The following SEPTIN6 variants were observed in gnomAD, a reference collection of about 807,000 sequenced individuals.
The protein encoded by SEPTIN6 is septin-6.
SEPTIN6 carries 8 observed loss-of-function variants against 33.6 expected under a neutral mutation model. The ratio of observed to expected loss-of-function variants is 0.24; its 90% CI spans 0.14 to 0.43. The LOEUF (loss-of-function observed/expected upper bound fraction) is 0.43, where lower values mean the gene tolerates loss of function less well. Ranked by LOEUF, SEPTIN6 falls within the 20% of genes least tolerant of loss-of-function variation. The pLI is 1.00. For synonymous variants in SEPTIN6, 131 were observed against 140.0 expected, an observed-to-expected ratio of 0.94 and a Z score of 0.45; for missense variants, 250 against 340.8, an observed-to-expected ratio of 0.73 and a Z score of 2.10.
At chrX:119,676,771 A>T (rs559685921) in intron 1 of SEPTIN6, among the ~76,000 whole-genome samples, 126 of 109,916 alleles carry the variant, frequency 1.1e-3, no homozygotes, top group African/African-American at 4.0e-3. Context: ...ATCCTGTCTT[A>T]AAAAAAAAGC....
intron 1 of SEPTIN6, 87 bp from the exon 2 acceptor site, chrX:119,675,755 AG>A (rs1259772738): frequency 1.8e-5 from 9 of 504,104 alleles, no homozygotes; most frequent in Non-Finnish European, 2.7e-5. Flanking sequence ...TCGCTGTGCA[AG>A]GAAGTCACAC....
intron 1 of SEPTIN6, among the ~76,000 whole-genome samples, chrX:119,692,565 G>C (rs2055193770): frequency 8.9e-6 from 1 of 111,792 alleles, no homozygotes; most frequent in African/African-American, 3.2e-5. Context: ...TGCATATAGA[G>C]AAACCCTATC....
intron 3 of SEPTIN6, among the ~76,000 whole-genome samples, chrX:119,661,925 A>T (rs886175016): frequency 3.6e-5 from 4 of 111,889 alleles, no homozygotes; most frequent in African/African-American, 1.3e-4. Context: ...TTTAGTAGAG[A>T]CGGGGTTTCA....
chrX:119,620,137 G>A, intron 10 of SEPTIN6, 86 bp from the exon 11 acceptor site: 1 of 739,837 alleles, frequency 1.4e-6, no homozygotes, highest in South Asian at 2.4e-5. Context: ...ATTAAGTAAT[G>A]AGGACTAATG....
chrX:119,679,122 A>G (rs2147636978), intron 1 of SEPTIN6, among the ~76,000 whole-genome samples: 1 of 110,316 alleles, frequency 9.1e-6, no homozygotes, highest in South Asian at 3.9e-4. Context: ...TGTATATTTT[A>G]GTAGAGATGG....
chrX:119,663,389 T>C lies in SEPTIN6; in HGVS notation c.341+93A>G, dbSNP rs1246231922. 11 of 781,957 alleles carry C rather than the reference T, an allele frequency of 1.4e-5. No homozygotes were observed. The African/African-American group carries it at 1.5e-4, about 10-fold the overall frequency. 64.4% of individuals were successfully genotyped at this position (781,957 alleles called of 1,213,427 possible). On this transcript the variant is annotated intron_variant, in intron 3 of 10. Coordinates refer to ENST00000394610, the MANE Select transcript of SEPTIN6 (RefSeq NM_145799.4). Reference sequence around the variant, plus strand: ...TCTGGGAGGACAGGCTTGGGCCCGATATCTGTGCTGTCTTCAAGATCTCTG... The same window carrying C: ...TCTGGGAGGACAGGCTTGGGCCCGACATCTGTGCTGTCTTCAAGATCTCTG...
downstream of SEPTIN6, chrX:119,616,388 A>G (rs1419527414): frequency 2.5e-6 from 1 of 396,477 alleles, no homozygotes; most frequent in African/African-American, 2.4e-5. Context: ...TCATACCCAC[A>G]GCTGAGGTGT....
At chrX:119,668,846 C>A (rs1263313751) in intron 2 of SEPTIN6, among the ~76,000 whole-genome samples, 2 of 111,044 alleles carry the variant, frequency 1.8e-5, no homozygotes, top group Non-Finnish European at 3.8e-5. Flanking sequence ...TGAGTAAGTT[C>A]TTTAGTGGTG....
intron 2 of SEPTIN6, among the ~76,000 whole-genome samples, chrX:119,667,459 C>T (rs2054662440): frequency 9.0e-6 from 1 of 111,411 alleles, no homozygotes; most frequent in South Asian, 3.8e-4. Flanking sequence ...AAATAATGAA[C>T]GTCTGGAAGA....
intron 5 of SEPTIN6, among the ~76,000 whole-genome samples, chrX:119,645,172 T>C (rs2054229715): frequency 9.5e-6 from 1 of 105,806 alleles, no homozygotes; most frequent in Non-Finnish European, 1.9e-5. Context: ...TCTCTCAAAG[T>C]GCTGGGATTA....
At chrX:119,620,629 G>A (rs1488712404) in intron 10 of SEPTIN6, among the ~76,000 whole-genome samples, 1 of 101,601 alleles carries the variant, frequency 9.8e-6, no homozygotes, top group Non-Finnish European at 2.0e-5. Context: ...CTTTTTTGTT[G>A]TTGTTGTTGA....
At chrX:119,642,590 G>T (rs192604805) in intron 5 of SEPTIN6, among the ~76,000 whole-genome samples, 29 of 110,837 alleles carry the variant, frequency 2.6e-4, no homozygotes, top group African/African-American at 9.2e-4. Flanking sequence ...ACCTTGGGGG[G>T]AACTAGTTGT....
chrX:119,690,723 CAAAAAAAAAAAAAAAA>C (rs772333455), intron 1 of SEPTIN6, among the ~76,000 whole-genome samples: 7 of 23,027 alleles, frequency 3.0e-4, no homozygotes, highest in African/African-American at 9.4e-4. Context: ...GACTCCGTCT[CAAAAAAAAAAAAAAAA>C]AAAAAAAAGA....
chrX:119,670,787 A>G (rs756134051), intron 2 of SEPTIN6, among the ~76,000 whole-genome samples: 1 of 108,734 alleles, frequency 9.2e-6, no homozygotes, highest in Admixed American at 9.9e-5. Context: ...AAAAATACAA[A>G]ATTAGCTGGG....
At chrX:119,642,458 G>T (rs891929902) in intron 5 of SEPTIN6, among the ~76,000 whole-genome samples, 3 of 110,369 alleles carry the variant, frequency 2.7e-5, no homozygotes, top group African/African-American at 9.9e-5. Flanking sequence ...GGTCCAGAAG[G>T]GCTAAGAGAC....
intron 2 of SEPTIN6, among the ~76,000 whole-genome samples, chrX:119,666,443 G>A (rs1394258706): frequency 1.8e-5 from 2 of 112,212 alleles, no homozygotes; most frequent in Non-Finnish European, 3.8e-5. Flanking sequence ...CCCAAATAAT[G>A]AGCTATGAAT....
chrX:119,654,416 G>A (rs776852518), intron 3 of SEPTIN6, among the ~76,000 whole-genome samples: 1 of 111,536 alleles, frequency 9.0e-6, no homozygotes, highest in South Asian at 3.8e-4. Context: ...CTCTGGCTGA[G>A]GGGGTGCCTC....
At chrX:119,672,634 T>A (rs1476491203) in intron 2 of SEPTIN6, among the ~76,000 whole-genome samples, 1 of 112,544 alleles carries the variant, frequency 8.9e-6, no homozygotes, top group Non-Finnish European at 1.9e-5. Context: ...GGGACTCTGA[T>A]ATGTTTGTGC....
At chrX:119,625,473 AG>A in intron 9 of SEPTIN6, 94 bp from the exon 10 acceptor site, 1 of 824,186 alleles carries the variant, frequency 1.2e-6, no homozygotes, top group South Asian at 2.1e-5. Context: ...TAGAGGTCAA[AG>A]GTGATTAGGA....
Sources: allele counts gnomAD v4.1 joint callset (sites outside exome capture counted in the v4.1 genomes callset), GRCh38; gene constraint gnomAD v4.1.1; transcripts MANE v1.5; gene names NCBI Gene and HGNC (gene_info 2026-07-23, HGNC 2026-07-21).